BTBD16: variants seen among roughly 807,000 people sequenced by gnomAD.
The protein encoded by BTBD16 is BTB/POZ domain-containing protein 16.
Under a neutral mutation model 67.4 loss-of-function variants are expected in BTBD16, and 66 were observed. The ratio of observed to expected loss-of-function variants is 0.98; its 90% confidence interval spans 0.80 to 1.20. The LOEUF is 1.20. Ranked by LOEUF, BTBD16 falls within the 50% of genes most tolerant of loss-of-function variation. BTBD16 has a pLI of 0.00. For missense variants in BTBD16, 634 were observed against 616.0 expected (o/e 1.03, Z -0.31); for synonymous variants, 242 against 236.4 (o/e 1.02, Z -0.22).
At chr10:122,305,565 C>T (rs1484046296) in intron 9 of BTBD16, among the ~76,000 whole-genome samples, 1 of 152,170 alleles carries the variant, frequency 6.6e-6, no homozygotes. Flanking sequence ...TTCCTGAGGC[C>T]TCTCCAGAAG....
At chr10:122,324,690 TG>T (rs930909653) in intron 10 of BTBD16, among the ~76,000 whole-genome samples, 1 of 139,200 alleles carries the variant, frequency 7.2e-6, no homozygotes, top group Non-Finnish European at 1.5e-5. Context: ...CTTCTTGCCT[TG>T]TTGTGTCTTC....
intron 8 of BTBD16, 126 bp from the exon 9 acceptor site, chr10:122,298,878 G>T: frequency 8.2e-7 from 1 of 1,221,610 alleles, no homozygotes; most frequent in Non-Finnish European, 1.1e-6. Context: ...CATGTATTTT[G>T]TAGAAAAGGT....
intron 10 of BTBD16, chr10:122,327,626 CACAAAAGTGG>C: frequency 1.0e-6 from 1 of 985,398 alleles, no homozygotes; most frequent in Non-Finnish European, 1.2e-6. Context: ...CCATGTCATC[CACAAAAGTGG>C]GCATCATTGC....
chr10:122,305,682 A>G (rs1053446392), intron 9 of BTBD16, among the ~76,000 whole-genome samples: 10 of 152,176 alleles, frequency 6.6e-5, no homozygotes, highest in African/African-American at 2.4e-4. Flanking sequence ...CTTTGTAGCA[A>G]TTCAACAACA....
chr10:122,332,121 G>T, intron 12 of BTBD16: 1 of 232,192 alleles, frequency 4.3e-6, no homozygotes, highest in Non-Finnish European at 8.4e-6. Context: ...CCCATGAGGG[G>T]CCTTGCTTGC....
chr10:122,290,022 C>T (rs1377779663), intron 6 of BTBD16, 24 bp downstream of exon 6: 2 of 1,465,096 alleles, frequency 1.4e-6, no homozygotes, highest in Non-Finnish European at 1.9e-6. Flanking sequence ...CGTCTATATT[C>T]TGAGAATGCC....
intron 5 of BTBD16, among the ~76,000 whole-genome samples, chr10:122,286,735 T>C (rs1339634684): frequency 6.6e-6 from 1 of 152,168 alleles, no homozygotes; most frequent in Non-Finnish European, 1.5e-5. Flanking sequence ...TCTTTGCTTT[T>C]CTTTCCTCTT....
At chr10:122,278,538 C>T (rs948801834) in intron 3 of BTBD16, among the ~76,000 whole-genome samples, 3 of 152,194 alleles carry the variant, frequency 2.0e-5, no homozygotes, top group African/African-American at 7.2e-5. Flanking sequence ...GCCTGGGCAG[C>T]ATTTTAGTAA....
chr10:122,307,063 T>C, intron 9 of BTBD16, 126 bp from the exon 10 acceptor site: 1 of 1,099,906 alleles, frequency 9.1e-7, no homozygotes, highest in Non-Finnish European at 1.3e-6. Flanking sequence ...GCTTGATGTC[T>C]GAGGCTACCT....
At chr10:122,279,333 G>A (rs2096347340) in intron 3 of BTBD16, among the ~76,000 whole-genome samples, 1 of 151,962 alleles carries the variant, frequency 6.6e-6, no homozygotes, top group Non-Finnish European at 1.5e-5. Context: ...TTTAAAATTA[G>A]CCAGGTATGC....
intron 3 of BTBD16, among the ~76,000 whole-genome samples, chr10:122,280,090 G>A (rs1022088967): frequency 1.3e-5 from 2 of 152,172 alleles, no homozygotes; most frequent in Non-Finnish European, 2.9e-5. Context: ...CTGGGGCACC[G>A]AGTGTGGGAG....
chr10:122,279,449 C>T (rs946371494), intron 3 of BTBD16, among the ~76,000 whole-genome samples: 1 of 151,034 alleles, frequency 6.6e-6, no homozygotes, highest in African/African-American at 2.4e-5. Context: ...TGCCGTTTCA[C>T]TCCAGCCTGG....
intron 5 of BTBD16, among the ~76,000 whole-genome samples, chr10:122,288,095 T>C (rs984803216): frequency 6.6e-6 from 1 of 151,606 alleles, no homozygotes; most frequent in Non-Finnish European, 1.5e-5. Context: ...GGCATTGTGC[T>C]AGGAGCTTAC....
intron 9 of BTBD16, among the ~76,000 whole-genome samples, chr10:122,306,145 G>C (rs4237539): frequency 0.042 from 6,437 of 152,250 alleles, 388 homozygotes; most frequent in East Asian, 0.24. Flanking sequence ...CAGAACCATA[G>C]AGAGATTTGA....
intron 10 of BTBD16, 133 bp from the exon 11 acceptor site, chr10:122,329,347 A>G (rs2096450930): frequency 1.3e-6 from 1 of 748,508 alleles, no homozygotes; most frequent in African/African-American, 1.7e-5. Flanking sequence ...TGACCCCTCC[A>G]GAGGGACCGA....
chr10:122,284,781 C>T (rs2096360360), intron 4 of BTBD16, among the ~76,000 whole-genome samples: 1 of 151,130 alleles, frequency 6.6e-6, no homozygotes, highest in Non-Finnish European at 1.5e-5. Context: ...TCTTTTCTCT[C>T]CTTCAACTCT....
intron 3 of BTBD16, among the ~76,000 whole-genome samples, chr10:122,279,942 G>A (rs929457941): frequency 2.0e-4 from 31 of 152,112 alleles, no homozygotes; most frequent in African/African-American, 7.5e-4. Context: ...TCTATTTCGG[G>A]TATGTAATTG....
At position 122,276,699 on chromosome 10, in the gene BTBD16, T is replaced by C. The variant is rs1427332418; in HGVS notation, c.19-92T>C. The C allele has an allele frequency of 2.0e-6, 3 of 1,527,398 alleles. No homozygotes were observed. In the African/African-American group the frequency reaches 4.2e-5, roughly 21 times the overall value. 94.6% of individuals were successfully genotyped at this position (1,527,398 alleles called of 1,614,324 possible). On this transcript the variant is annotated intron_variant, in intron 2 of 15. Transcript: ENST00000260723. ...ATTAACCAGCACTGTAAAATTTGTC[T>C]TGATTTCCTTCTTGCTATACAATTT... is the stretch of plus-strand genomic sequence containing the variant.
intron 10 of BTBD16, among the ~76,000 whole-genome samples, chr10:122,309,164 T>C (rs2096408949): frequency 6.6e-6 from 1 of 152,136 alleles, no homozygotes; most frequent in African/African-American, 2.4e-5. Context: ...TCTTGCTCTG[T>C]CATCCAGGTT....
Sources: allele counts gnomAD v4.1 joint callset (sites outside exome capture counted in the v4.1 genomes callset), GRCh38; gene constraint gnomAD v4.1.1; transcripts MANE v1.5; gene names NCBI Gene and HGNC (gene_info 2026-07-23, HGNC 2026-07-21).